The following C5orf22 variants were observed in gnomAD, a reference collection of about 807,000 sequenced individuals.
C5orf22 encodes UPF0489 protein C5orf22.
A neutral mutation model predicts 48.7 loss-of-function variants in C5orf22; 36 were observed. That is an observed-to-expected ratio of 0.74 (90% CI 0.57 to 0.98). C5orf22 has a LOEUF of 0.98. Among genes scored for constraint, C5orf22 ranks in the 50% least tolerant of loss-of-function variants. C5orf22 has a pLI of 0.00. For synonymous variants in C5orf22, 141 were observed against 180.8 expected, an observed-to-expected ratio of 0.78 and a Z score of 1.76; for missense variants, 486 against 521.9, an observed-to-expected ratio of 0.93 and a Z score of 0.67.
At chr5:31,535,501 G>A (rs1742015146) in intron 2 of C5orf22, among the ~76,000 whole-genome samples, 1 of 152,112 alleles carries the variant, frequency 6.6e-6, no homozygotes. Flanking sequence ...AATTAATGTT[G>A]GAACATCAAC....
chr5:31,546,994 C>A (rs1742925910), intron 7 of C5orf22, among the ~76,000 whole-genome samples: 2 of 152,210 alleles, frequency 1.3e-5, no homozygotes, highest in Admixed American at 6.5e-5. Flanking sequence ...AGTCCAACAT[C>A]TCATCTGAGA....
intron 5 of C5orf22, 110 bp downstream of exon 5, chr5:31,541,121 T>C: frequency 1.2e-6 from 1 of 852,684 alleles, no homozygotes; most frequent in East Asian, 2.6e-5. Context: ...TGTGTGTGTG[T>C]GTGTGTGTGT....
intron 2 of C5orf22, chr5:31,535,056 G>A: frequency 6.7e-6 from 3 of 451,042 alleles, no homozygotes; most frequent in South Asian, 3.2e-5. Context: ...TCACAGGCAT[G>A]TAATTGGAAA....
At chr5:31,549,991 T>G (rs1043669313) in intron 7 of C5orf22, among the ~76,000 whole-genome samples, 1 of 152,182 alleles carries the variant, frequency 6.6e-6, no homozygotes, top group Non-Finnish European at 1.5e-5. Flanking sequence ...GGTTTGATGT[T>G]TTTTGGGGGG....
At chr5:31,547,892 C>T (rs1742996487) in intron 7 of C5orf22, among the ~76,000 whole-genome samples, 1 of 152,230 alleles carries the variant, frequency 6.6e-6, no homozygotes, top group Non-Finnish European at 1.5e-5. Flanking sequence ...CTCCTCGTTA[C>T]TTATGCAAAT....
At position 31,551,265 on chromosome 5, in the gene C5orf22, G is replaced by A. The variant is rs1265085932; in HGVS notation, c.1060-28G>A. The A allele has an allele frequency of 4.3e-6, 7 of 1,609,248 alleles. No individual in the cohort carries two copies. The Admixed American group carries it at 1.2e-4, about 27-fold the overall frequency. On this transcript the variant is annotated intron_variant, in intron 7 of 8. Coordinates refer to ENST00000325366, the MANE Select transcript of C5orf22 (RefSeq NM_018356.3). ...AGCTTATAAAAACAACTGTCATACAGTGTAATTTTTAATTGTCTTATTTTC... is the reference window on the plus strand; with the variant it reads ...AGCTTATAAAAACAACTGTCATACAATGTAATTTTTAATTGTCTTATTTTC...
At position 31,532,389 on chromosome 5, in the gene C5orf22, A is replaced by G; in HGVS notation, c.-4A>G. Reference sequence around the variant, plus strand: ...TTTACTGCAAAACTGACGGGCGCAAAAACATGAGTGACTCCGCGGGAGGGC... The same window carrying G: ...TTTACTGCAAAACTGACGGGCGCAAGAACATGAGTGACTCCGCGGGAGGGC... On this transcript the variant is annotated 5_prime_UTR_variant, in exon 1 of 9. Transcript: ENST00000325366. 2 of 1,613,966 alleles carry G rather than the reference A, an allele frequency of 1.2e-6. No individual in the cohort carries two copies. Among genetic ancestry groups the G allele is most frequent in the South Asian group, 2.2e-5 (2 of 91,082 alleles).
chr5:31,548,807 A>T (rs1485316964), intron 7 of C5orf22: 1 of 273,346 alleles, frequency 3.7e-6, no homozygotes, highest in East Asian at 1.1e-4. Context: ...GATTTAATGG[A>T]CTTAGTGTTC....
chr5:31,545,732 G>A lies in C5orf22; in HGVS notation c.1059+20G>A. Reference sequence around the variant, plus strand: ...GAAATGGTAAATATTTTATATTAATGTGTAAAATTGACCCTTTGTAAAGAC... The same window carrying A: ...GAAATGGTAAATATTTTATATTAATATGTAAAATTGACCCTTTGTAAAGAC... On this transcript the variant is annotated intron_variant, in intron 7 of 8. Transcript: ENST00000325366. The A allele has an allele frequency of 6.7e-7, 1 of 1,488,806 alleles. No individual in the cohort carries two copies. Among genetic ancestry groups the A allele is most frequent in the Non-Finnish European group, 9.3e-7 (1 of 1,075,030 alleles). 92.2% of individuals were successfully genotyped at this position (1,488,806 alleles called of 1,614,324 possible).
At chr5:31,534,187 A>G (rs1741936565) in intron 1 of C5orf22, 85 bp from the exon 2 acceptor site, 1 of 1,169,664 alleles carries the variant, frequency 8.5e-7, no homozygotes, top group South Asian at 1.5e-5. Context: ...TATGTGCATT[A>G]TTTAGCATTG....
At chr5:31,551,107 G>A (rs1404417686) in intron 7 of C5orf22, among the ~76,000 whole-genome samples, 186 bp from the exon 8 acceptor site, 3 of 152,084 alleles carry the variant, frequency 2.0e-5, no homozygotes, top group East Asian at 1.9e-4. Flanking sequence ...CATATTTAAG[G>A]TGTTGGATAT....
At chr5:31,534,229 G>C (rs374568303) in intron 1 of C5orf22, 43 bp from the exon 2 acceptor site, 123 of 1,550,232 alleles carry the variant, frequency 7.9e-5, no homozygotes, top group Non-Finnish European at 9.6e-5. Context: ...GTGTGCTCAT[G>C]GTTTCAGTGT....
intron 1 of C5orf22, 35 bp from the exon 2 acceptor site, chr5:31,534,237 T>G: frequency 3.8e-6 from 6 of 1,582,608 alleles, no homozygotes; most frequent in Non-Finnish European, 5.2e-6. Flanking sequence ...ATGGTTTCAG[T>G]GTTAATTCTT....
chr5:31,548,216 G>A (rs1043274809), intron 7 of C5orf22, among the ~76,000 whole-genome samples: 2 of 151,850 alleles, frequency 1.3e-5, no homozygotes, highest in South Asian at 2.1e-4. Context: ...GCAGAGAATC[G>A]CTTGAACCTG....
chr5:31,536,348 G>A (rs1742092156), intron 3 of C5orf22, among the ~76,000 whole-genome samples: 2 of 152,118 alleles, frequency 1.3e-5, no homozygotes, highest in African/African-American at 2.4e-5. Context: ...GTGAAACACC[G>A]TCTCTACTAA....
chr5:31,532,356 G>T lies in C5orf22; in HGVS notation c.-37G>T, dbSNP rs754226174. On this transcript the variant is annotated 5_prime_UTR_variant, in exon 1 of 9. Transcript: ENST00000325366. ...CGGCTTTCCCGGGTCTTCTCCAGCTGCCACCGCTTTACTGCAAAACTGACG... is the reference window on the plus strand; with the variant it reads ...CGGCTTTCCCGGGTCTTCTCCAGCTTCCACCGCTTTACTGCAAAACTGACG... 1.9e-5 allele frequency: 30 copies of T among 1,609,252 alleles called. No individual in the cohort carries two copies. Among genetic ancestry groups the T allele is most frequent in the Non-Finnish European group, 2.6e-5 (30 of 1,175,928 alleles).
chr5:31,541,072 C>T (rs1742427295), intron 5 of C5orf22, 61 bp downstream of exon 5: 2 of 1,313,654 alleles, frequency 1.5e-6, no homozygotes, highest in East Asian at 4.6e-5. Context: ...TAATATCTTG[C>T]AAATTACCAC....
At chr5:31,532,531 G>C (rs6877842) in intron 1 of C5orf22, 58 bp downstream of exon 1, 233,053 of 1,463,870 alleles carry the variant, frequency 0.16, 19,342 homozygotes, top group African/African-American at 0.19. Context: ...GACGCTCAGA[G>C]GGCCAAGCAG....
At chr5:31,549,647 A>C (rs1743124661) in intron 7 of C5orf22, among the ~76,000 whole-genome samples, 2 of 152,122 alleles carry the variant, frequency 1.3e-5, no homozygotes, top group African/African-American at 4.8e-5. Flanking sequence ...AGGCCAAGGC[A>C]GGTAAATCGC....
Sources: allele counts gnomAD v4.1 joint callset (sites outside exome capture counted in the v4.1 genomes callset), GRCh38; gene constraint gnomAD v4.1.1; transcripts MANE v1.5; gene names NCBI Gene and HGNC (gene_info 2026-07-23, HGNC 2026-07-21).